Variants in PNISR observed in about 807,000 individuals in gnomAD.
The protein encoded by PNISR is arginine/serine-rich protein PNISR.
In PNISR, 20 loss-of-function variants were observed where a neutral mutation model predicts 93.4. The ratio of observed to expected loss-of-function variants is 0.21; its 90% CI spans 0.15 to 0.31. The LOEUF (loss-of-function observed/expected upper bound fraction) is 0.31. Among genes scored for constraint, PNISR ranks in the 10% least tolerant of loss-of-function variants. PNISR has a pLI of 1.00. For missense variants in PNISR, 893 were observed against 985.4 expected, an observed-to-expected ratio of 0.91 and a Z score of 1.25; for synonymous variants, 305 against 306.5, an observed-to-expected ratio of 0.99 and a Z score of 0.05.
rs544889814 is a variant in PNISR at position 99,401,048 on chromosome 6, C to G, written c.1910G>C (p.Arg637Pro). 4 of 1,613,670 alleles carry G rather than the reference C, an allele frequency of 2.5e-6. No individual in the cohort carries two copies. The highest frequency in any genetic ancestry group is 2.2e-5 in the South Asian group (2 of 91,078). The change falls in exon 12 of 12, where the codon CGA becomes CCA. Residue 637 changes from arginine to proline, a missense_variant. Arg to Pro is a moderately radical substitution (Grantham distance 103, BLOSUM62 -2). Coordinates refer to ENST00000369239, the MANE Select transcript of PNISR (RefSeq NM_032870.4). Reference protein sequence around the residue: ...RTNRASRSRSRDRRKIDDQRG... With the variant: ...RTNRASRSRSPDRRKIDDQRG... ...TTGATCATCAATTTTACGCCTATCT[C>G]GACTCCTACTGCGACTGGCACGATT...
intron 1 of PNISR, among the ~76,000 whole-genome samples, chr6:99,418,648 C>T (rs1778063341): frequency 6.6e-6 from 1 of 151,670 alleles, no homozygotes; most frequent in Admixed American, 6.6e-5. Context: ...GACACTTAGG[C>T]TGAGAAAAAT....
At chr6:99,422,452 G>A (rs1778687875) in intron 1 of PNISR, among the ~76,000 whole-genome samples, 1 of 152,160 alleles carries the variant, frequency 6.6e-6, no homozygotes, top group Non-Finnish European at 1.5e-5. Context: ...CAGATTAGGT[G>A]GAAATGGCAC....
At chr6:99,413,963 C>G (rs1777325240) in intron 3 of PNISR, among the ~76,000 whole-genome samples, 1 of 152,016 alleles carries the variant, frequency 6.6e-6, no homozygotes, top group Non-Finnish European at 1.5e-5. Context: ...CTTTAAATAA[C>G]AAAACACCCA....
Position 99,398,336 on chromosome 6 carries a change from T to A in PNISR, c.*2204A>T, listed in dbSNP as rs1267229226. The A allele has an allele frequency of 6.6e-6, 1 of 152,186 alleles. No homozygotes were observed. Among genetic ancestry groups the A allele is most frequent in the Non-Finnish European group, 1.5e-5 (1 of 67,982 alleles). The allele number at this position is 152,186 out of a possible 1,614,324, so 9.4% of individuals were successfully genotyped here. On this transcript the variant is annotated 3_prime_UTR_variant, in exon 12 of 12. Transcript: ENST00000369239. ...AAATTATACATCTAATTAACTTATG[T>A]GTAAGTTTTTGCATTCACATCCTAA...
intron 6 of PNISR, 21 bp from the exon 7 acceptor site, chr6:99,408,292 A>G: frequency 6.5e-7 from 1 of 1,543,550 alleles, no homozygotes; most frequent in Non-Finnish European, 8.8e-7. Flanking sequence ...TGGGAAAAAT[A>G]TACGCAAGTC....
chr6:99,425,218 C>G lies in PNISR; in HGVS notation c.-115G>C. 2 of 1,232,042 alleles carry G rather than the reference C, an allele frequency of 1.6e-6. No homozygotes were observed. Among genetic ancestry groups the G allele is most frequent in the Non-Finnish European group, 2.0e-6 (2 of 987,832 alleles). The allele number at this position is 1,232,042 out of a possible 1,614,324, so 76.3% of individuals were successfully genotyped here. The stretch of plus-strand genomic sequence containing the variant: ...ATAATTGTTCTCCATCACTTACCCA[C>G]TCTAGTTCGGGAACACCCTTGTCGC... On this transcript the variant is annotated 5_prime_UTR_variant, in exon 1 of 12. Coordinates refer to ENST00000369239, the MANE Select transcript of PNISR (RefSeq NM_032870.4).
At position 99,400,447 on chromosome 6, in the gene PNISR, G is replaced by GTCTC; in HGVS notation, c.*92_*93insGAGA. ...GATTATTTATCAAGTACCAAACTGAGTTTATTAAAGAGAGAGAGAAAGGAC... is the reference window on the plus strand; with the variant it reads ...GATTATTTATCAAGTACCAAACTGAGTCTCTTTATTAAAGAGAGAGAGAAAGGAC... On this transcript the variant is annotated 3_prime_UTR_variant, in exon 12 of 12. Coordinates refer to ENST00000369239, the MANE Select transcript of PNISR (RefSeq NM_032870.4). 1.4e-6 allele frequency: 2 copies of GTCTC among 1,473,128 alleles called. No homozygotes were observed. Among genetic ancestry groups the GTCTC allele is most frequent in the Non-Finnish European group, 1.8e-6 (2 of 1,112,798 alleles). 91.3% of individuals were successfully genotyped at this position (1,473,128 alleles called of 1,614,324 possible). A position where few individuals can be genotyped will look rare whatever the true frequency, so the allele number is the denominator to read the frequency against.
At position 99,399,478 on chromosome 6, in the gene PNISR, G is replaced by C. The variant is rs941658883; in HGVS notation, c.*1062C>G. 5 of 152,168 alleles carry C rather than the reference G, an allele frequency of 3.3e-5. No homozygotes were observed. The highest frequency in any genetic ancestry group is 2.1e-4 in the South Asian group (1 of 4,832). The allele number at this position is 152,168 out of a possible 1,614,324, so 9.4% of individuals were successfully genotyped here. On this transcript the variant is annotated 3_prime_UTR_variant, in exon 12 of 12. Coordinates refer to ENST00000369239, the MANE Select transcript of PNISR (RefSeq NM_032870.4). ...TATAAATAAATATATTGAATCATGA[G>C]TCTTATTTCTATAACCCCAAAAAGT...
At chr6:99,419,686 G>A (rs912149130) in intron 1 of PNISR, among the ~76,000 whole-genome samples, 2 of 151,996 alleles carry the variant, frequency 1.3e-5, no homozygotes, top group African/African-American at 4.8e-5. Context: ...TATGGACTGT[G>A]TTCATTAGCT....
intron 2 of PNISR, 23 bp from the exon 3 acceptor site, chr6:99,414,713 TAA>T: frequency 9.5e-7 from 1 of 1,055,774 alleles, no homozygotes; most frequent in Non-Finnish European, 1.4e-6. Flanking sequence ...AAACATAGTT[TAA>T]AAATTATAGT....
Position 99,416,403 on chromosome 6 carries a change from A to T in PNISR, c.-86T>A. 8.2e-7 allele frequency: 1 copy of T among 1,216,010 alleles called. No homozygotes were observed. Among genetic ancestry groups the T allele is most frequent in the South Asian group, 4.2e-5 (1 of 24,032 alleles). 75.3% of individuals were successfully genotyped at this position (1,216,010 alleles called of 1,614,324 possible). ...AGGTTGATTCAGACTACAGCTTCGAAGCATAGCAGCAAGATTATGTATGCC... is the reference window on the plus strand; with the variant it reads ...AGGTTGATTCAGACTACAGCTTCGATGCATAGCAGCAAGATTATGTATGCC... On this transcript the variant is annotated 5_prime_UTR_variant, in exon 2 of 12. Coordinates refer to ENST00000369239, the MANE Select transcript of PNISR (RefSeq NM_032870.4).
chr6:99,425,171 A>G, intron 1 of PNISR, 44 bp downstream of exon 1: 5 of 1,190,496 alleles, frequency 4.2e-6, no homozygotes, highest in Non-Finnish European at 5.3e-6. Context: ...GAACGTTGTA[A>G]TGGTCCGGCA....
chr6:99,407,193 G>A (rs180759761), intron 7 of PNISR, among the ~76,000 whole-genome samples: 67 of 151,952 alleles, frequency 4.4e-4, no homozygotes, highest in Middle Eastern at 6.8e-3. Flanking sequence ...CGTGGTGTGC[G>A]CCTGTAGCCC....
chr6:99,400,183 C>A lies in PNISR; in HGVS notation c.*357G>T. On this transcript the variant is annotated 3_prime_UTR_variant, in exon 12 of 12. Coordinates refer to ENST00000369239, the MANE Select transcript of PNISR (RefSeq NM_032870.4). The stretch of plus-strand genomic sequence containing the variant: ...TTAAAAAAAAAAAAGATTCTGGTTT[C>A]ACCTACACAGCCACAATGTGCCTCT... 4.5e-6 allele frequency: 1 copy of A among 220,732 alleles called. No homozygotes were observed. The highest frequency in any genetic ancestry group is 7.8e-6 in the Non-Finnish European group (1 of 128,168). The allele number at this position is 220,732 out of a possible 1,614,324, so 13.7% of individuals were successfully genotyped here. A position where few individuals can be genotyped will look rare whatever the true frequency, so the allele number is the denominator to read the frequency against.
At chr6:99,409,387 A>G (rs1188656612) in intron 5 of PNISR, 43 bp from the exon 6 acceptor site, 1 of 1,571,720 alleles carries the variant, frequency 6.4e-7, no homozygotes, top group South Asian at 1.1e-5. Flanking sequence ...AATTAATACA[A>G]TATACTCTCT....
chr6:99,415,451 T>A (rs1777552405), intron 2 of PNISR: 1 of 152,160 alleles, frequency 6.6e-6, no homozygotes, highest in South Asian at 2.1e-4. Flanking sequence ...GGAGGGAAGG[T>A]ACTTTATGTT....
At chr6:99,410,412 G>C (rs1172300811) in intron 5 of PNISR, 2 of 237,782 alleles carry the variant, frequency 8.4e-6, no homozygotes, top group Non-Finnish European at 1.6e-5. Context: ...TTCAATTACT[G>C]TGCATTCTCT....
chr6:99,419,876 T>A (rs1294646887), intron 1 of PNISR, among the ~76,000 whole-genome samples: 1 of 151,792 alleles, frequency 6.6e-6, no homozygotes, highest in Non-Finnish European at 1.5e-5. Flanking sequence ...TAATTTTCTA[T>A]ACATAACTGC....
In PNISR at chr6:99,401,428, C is replaced by T. The variant is rs369303191; in HGVS notation, c.1530G>A (p.Ser510=). The T allele has an allele frequency of 3.1e-4, 494 of 1,606,376 alleles. No homozygotes were observed. Among genetic ancestry groups the T allele is most frequent in the Admixed American group, 4.0e-4 (24 of 59,302 alleles). The change falls in exon 12 of 12, where the codon TCG becomes TCA. Residue 510 remains serine (S), a synonymous_variant. Transcript: ENST00000369239. The part of the protein sequence containing the change: ...KEKEKQGRSR[S]GSSSSGSSSS... ...TGGAACTACCACTACTAGAACTTCCCGACCTACTCCTTCCTTGTTTTTCTT... is the reference window on the plus strand; with the variant it reads ...TGGAACTACCACTACTAGAACTTCCTGACCTACTCCTTCCTTGTTTTTCTT...
Sources: allele counts gnomAD v4.1 joint callset (sites outside exome capture counted in the v4.1 genomes callset), GRCh38; gene constraint gnomAD v4.1.1; transcripts MANE v1.5; gene names NCBI Gene and HGNC (gene_info 2026-07-23, HGNC 2026-07-21).